ITPRID2: variants seen among roughly 807,000 people sequenced by gnomAD.
ITPRID2 encodes the protein ITPR interacting domain containing 2.
In ITPRID2, 60 loss-of-function variants were observed where a neutral mutation model predicts 124.3. That is an observed-to-expected ratio of 0.48 (90% confidence interval 0.39 to 0.60). ITPRID2 has a LOEUF of 0.60. Ranked by LOEUF, ITPRID2 falls within the 20% of genes least tolerant of loss-of-function variation. The probability of loss-of-function intolerance (pLI) is 0.00; values close to 1 mark genes in which losing one functional copy is unlikely to be tolerated. For synonymous variants in ITPRID2, 521 were observed against 542.9 expected, an observed-to-expected ratio of 0.96 and a Z score of 0.56; for missense variants, 1,553 against 1,512.2, an observed-to-expected ratio of 1.03 and a Z score of -0.45.
intron 9 of ITPRID2, among the ~76,000 whole-genome samples, chr2:181,911,321 G>A (rs1281355678): frequency 6.6e-6 from 1 of 152,152 alleles, no homozygotes; most frequent in Non-Finnish European, 1.5e-5. Flanking sequence ...GCATATAGCA[G>A]TTTGATAATA....
chr2:181,916,376 G>T lies in ITPRID2; in HGVS notation c.2736G>T (p.Gln912His), dbSNP rs756803027. The stretch of plus-strand genomic sequence containing the variant: ...ATCCTCCTTCAGCCATAGAAATGCA[G>T]TTGCGAAGAGTATTACATGATATTA... ...SVNPPSAIEM[Q>H]LRRVLHDIRN... Residue 912 changes from glutamine (Q) to histidine (H), a missense_variant, in exon 11 of 18, where the codon CAG (glutamine) becomes CAT (histidine). Physicochemically the swap from Gln to His is conservative, Grantham distance 24 (BLOSUM62 0). Transcript: ENST00000431877. The T allele has an allele frequency of 6.2e-7, 1 of 1,614,072 alleles. No individual in the cohort carries two copies. The highest frequency in any genetic ancestry group is 1.3e-5 in the African/African-American group (1 of 74,916).
Position 181,919,451 on chromosome 2 carries a change from G to C in ITPRID2, c.3144+5G>C, listed in dbSNP as rs202098438. Reference sequence around the variant, plus strand: ...TTCCGCTCCTCCGCACTCATGGTACGCTACCTGGAGGGTGGTCGGAGTTTT... The same window carrying C: ...TTCCGCTCCTCCGCACTCATGGTACCCTACCTGGAGGGTGGTCGGAGTTTT... On this transcript the variant is annotated splice_donor_5th_base_variant and intron_variant, in intron 14 of 17. Coordinates refer to ENST00000431877, the MANE Select transcript of ITPRID2 (RefSeq NM_001130445.3). This position sits in a 1 kb window ranked among gnomAD's most constrained non-coding sequence, Gnocchi z 4.2. The C allele has an allele frequency of 3.9e-6, 6 of 1,552,030 alleles. No individual in the cohort carries two copies. Among genetic ancestry groups the C allele is most frequent in the Non-Finnish European group, 5.2e-6 (6 of 1,150,396 alleles).
chr2:181,915,076 A>G (rs1693921202), intron 10 of ITPRID2, 140 bp from the exon 11 acceptor site: 2 of 934,760 alleles, frequency 2.1e-6, no homozygotes, highest in Non-Finnish European at 3.3e-6. Context: ...CTCAGGAGCA[A>G]TAAAACAATT....
At chr2:181,899,199 A>G in intron 6 of ITPRID2, 87 bp downstream of exon 6, 1 of 903,962 alleles carries the variant, frequency 1.1e-6, no homozygotes, top group Non-Finnish European at 1.7e-6. Flanking sequence ...TTTGACCTTG[A>G]TCATATGAAA....
At position 181,919,842 on chromosome 2, in the gene ITPRID2, T is replaced by A. The variant is rs1434070285; in HGVS notation, c.3144+396T>A. Among the ~76,000 whole-genome samples, 1 of 152,088 alleles carries A rather than the reference T, an allele frequency of 6.6e-6. No individual in the cohort carries two copies. Among genetic ancestry groups the A allele is most frequent in the Non-Finnish European group, 1.5e-5 (1 of 68,000 alleles). The stretch of plus-strand genomic sequence containing the variant: ...TTCATGCCTTTAAATAAAAAAGTGT[T>A]CCTTTTAAACTTTTTCTTTATTTTG... On this transcript the variant is annotated intron_variant, in intron 14 of 17. Transcript: ENST00000431877. This position sits in a 1 kb window ranked among gnomAD's most constrained non-coding sequence, Gnocchi z 4.2.
intron 2 of ITPRID2, among the ~76,000 whole-genome samples, chr2:181,895,097 C>T (rs954993737): frequency 4.6e-5 from 7 of 151,982 alleles, no homozygotes; most frequent in Non-Finnish European, 7.4e-5. Context: ...TGTTAGTATA[C>T]TTGTAGAAAG....
In ITPRID2 at chr2:181,910,594, A is replaced by G; in HGVS notation, c.1486+623A>G. On this transcript the variant is annotated intron_variant, in intron 9 of 17. Coordinates refer to ENST00000431877, the MANE Select transcript of ITPRID2 (RefSeq NM_001130445.3). This position sits in a 1 kb window ranked among gnomAD's most constrained non-coding sequence, Gnocchi z 4.1. ...TTACAAAACTTTTGAGCTTTAGAGA[A>G]AGGGAAAGAGGAAGAAGTGAAAATG... 1 of 702,852 alleles carries G rather than the reference A, an allele frequency of 1.4e-6. No individual in the cohort carries two copies. Among genetic ancestry groups the G allele is most frequent in the South Asian group, 1.6e-5 (1 of 64,004 alleles). The allele number at this position is 702,852 out of a possible 1,614,324, so 43.5% of individuals were successfully genotyped here.
intron 16 of ITPRID2, among the ~76,000 whole-genome samples, chr2:181,922,664 T>C (rs1243117547): frequency 1.3e-5 from 2 of 152,236 alleles, no homozygotes; most frequent in African/African-American, 4.8e-5. Flanking sequence ...GAAAAAGATA[T>C]GTGAAGGACT....
Position 181,915,598 on chromosome 2 carries a change from A to G in ITPRID2, c.1958A>G (p.Glu653Gly). ...ESDVGKSSES[E>G]FTQYTTHHIL... ...GATGTGGGTAAAAGCAGTGAAAGTGAATTTACTCAGTATACCACACACCAT... is the reference window on the plus strand; with the variant it reads ...GATGTGGGTAAAAGCAGTGAAAGTGGATTTACTCAGTATACCACACACCAT... The change falls in exon 11 of 18, where the codon GAA becomes GGA. Residue 653 changes from glutamate (E) to glycine (G), a missense_variant. Physicochemically the swap from Glu to Gly is moderately conservative, Grantham distance 98. Transcript: ENST00000431877. 1.2e-6 allele frequency: 2 copies of G among 1,614,230 alleles called. No homozygotes were observed. The highest frequency in any genetic ancestry group is 1.1e-5 in the South Asian group (1 of 91,086).
At chr2:181,914,062 G>C (rs1693839053) in intron 10 of ITPRID2, 129 bp downstream of exon 10, 2 of 583,994 alleles carry the variant, frequency 3.4e-6, no homozygotes, top group Non-Finnish European at 5.9e-6. Context: ...AAAACTCCTG[G>C]CATGTAGATG....
intron 16 of ITPRID2, among the ~76,000 whole-genome samples, chr2:181,926,909 T>C (rs1398188940): frequency 2.0e-5 from 3 of 152,182 alleles, no homozygotes; most frequent in Non-Finnish European, 4.4e-5. Context: ...ACTAAGAGAT[T>C]CTGGTTTTTA....
intron 11 of ITPRID2, chr2:181,917,042 C>A: frequency 1.0e-6 from 1 of 977,206 alleles, no homozygotes. Context: ...CTCTGTATGT[C>A]TTGTCACTTT....
chr2:181,897,978 G>A (rs1163660634), intron 4 of ITPRID2, among the ~76,000 whole-genome samples: 1 of 151,948 alleles, frequency 6.6e-6, no homozygotes, highest in South Asian at 2.1e-4. Flanking sequence ...TTATTAAAAT[G>A]CACTTTGCAC....
At position 181,896,849 on chromosome 2, in the gene ITPRID2, T is replaced by A; in HGVS notation, c.308-59T>A. Reference sequence around the variant, plus strand: ...GGGTGAATTTAACTAAAACAGTGATTTTATATGAGGGTGGAGAGGAACAGA... The same window carrying A: ...GGGTGAATTTAACTAAAACAGTGATATTATATGAGGGTGGAGAGGAACAGA... On this transcript the variant is annotated intron_variant, in intron 3 of 17. Coordinates refer to ENST00000431877, the MANE Select transcript of ITPRID2 (RefSeq NM_001130445.3). This position sits in a 1 kb window ranked among gnomAD's most constrained non-coding sequence, Gnocchi z 4.3. 2 of 1,363,840 alleles carry A rather than the reference T, an allele frequency of 1.5e-6. No individual in the cohort carries two copies. The highest frequency in any genetic ancestry group is 2.1e-6 in the Non-Finnish European group (2 of 959,844). The allele number at this position is 1,363,840 out of a possible 1,614,324, so 84.5% of individuals were successfully genotyped here.
chr2:181,912,051 G>A (rs1238200260), intron 9 of ITPRID2, among the ~76,000 whole-genome samples: 1 of 152,212 alleles, frequency 6.6e-6, no homozygotes, highest in African/African-American at 2.4e-5. Context: ...ACCAGTCAGA[G>A]CTGCTCACTC....
intron 10 of ITPRID2, among the ~76,000 whole-genome samples, chr2:181,914,894 T>G (rs1413851462): frequency 1.3e-5 from 2 of 152,018 alleles, no homozygotes; most frequent in Admixed American, 1.3e-4. Context: ...TACAAGGAAG[T>G]TTTTAGATGT....
At position 181,930,368 on chromosome 2, in the gene ITPRID2, G is replaced by GT. The variant is rs1182124445; in HGVS notation, c.*827dup. The stretch of plus-strand genomic sequence containing the variant: ...AATAGAAATGAATAAGCTGGTGTTT[G>GT]TTTTTTCAAAATGGAAGTAATTTAG... On this transcript the variant is annotated 3_prime_UTR_variant, in exon 18 of 18. Coordinates refer to ENST00000431877, the MANE Select transcript of ITPRID2 (RefSeq NM_001130445.3). 1 of 152,336 alleles carries GT rather than the reference G, an allele frequency of 6.6e-6. No homozygotes were observed. Among genetic ancestry groups the GT allele is most frequent in the African/African-American group, 2.4e-5 (1 of 41,388 alleles). The allele number at this position is 152,336 out of a possible 1,614,324, so 9.4% of individuals were successfully genotyped here. A position where few individuals can be genotyped will look rare whatever the true frequency, so the allele number is the denominator to read the frequency against.
At chr2:181,897,298 C>A (rs1450981965) in intron 4 of ITPRID2, among the ~76,000 whole-genome samples, 1 of 151,878 alleles carries the variant, frequency 6.6e-6, no homozygotes. Flanking sequence ...CATGGGAAAA[C>A]AAAATTGAAG....
At position 181,916,247 on chromosome 2, in the gene ITPRID2, T is replaced by C. The variant is rs1320145203; in HGVS notation, c.2607T>C (p.Ser869=). The C allele has an allele frequency of 6.2e-7, 1 of 1,614,076 alleles. No individual in the cohort carries two copies. The highest frequency in any genetic ancestry group is 1.7e-5 in the Admixed American group (1 of 60,004). ...ACACAAGAACTCTGAGCACTCACAGTGTTCCCAACATATCAGGGGCTACTT... is the reference window on the plus strand; with the variant it reads ...ACACAAGAACTCTGAGCACTCACAGCGTTCCCAACATATCAGGGGCTACTT... ...CEHTRTLSTH[S]VPNISGATCS... Residue 869 remains serine (S), a synonymous_variant, in exon 11 of 18, where the codon AGT becomes AGC. Coordinates refer to ENST00000431877, the MANE Select transcript of ITPRID2 (RefSeq NM_001130445.3).
Sources: gnomAD v4.1 joint callset for allele counts (sites outside exome capture counted in the v4.1 genomes callset) on GRCh38, gnomAD v4.1.1 for gene constraint, Gnocchi (gnomAD v3.1) non-coding constraint, MANE v1.5 for transcripts, NCBI Gene and HGNC (gene_info 2026-07-23, HGNC 2026-07-21) for gene names.